Variants in ZNF644 observed in about 807,000 individuals in gnomAD.
ZNF644 encodes the protein zinc finger motif enhancer binding protein 2.
A neutral mutation model predicts 108.0 loss-of-function variants in ZNF644; 20 were observed. The ratio of observed to expected loss-of-function variants is 0.19; its 90% CI spans 0.13 to 0.27. The LOEUF (loss-of-function observed/expected upper bound fraction) is 0.27, where lower values mean the gene tolerates loss of function less well. ZNF644 is among the 10% of genes least tolerant of loss of function. The pLI is 1.00. For synonymous variants in ZNF644, 542 were observed against 539.1 expected (o/e 1.01, Z -0.08); for missense variants, 1,338 against 1,548.9 (o/e 0.86, Z 2.29).
intron 4 of ZNF644, among the ~76,000 whole-genome samples, chr1:90,930,419 T>C (rs1455605248): frequency 6.6e-6 from 1 of 152,230 alleles, no homozygotes; most frequent in Non-Finnish European, 1.5e-5. Flanking sequence ...GAGGTTAGCA[T>C]TTGATTTACA....
At chr1:90,958,232 TA>T (rs777224217) in intron 2 of ZNF644, among the ~76,000 whole-genome samples, 6,882 of 41,420 alleles carry the variant, frequency 0.17, 189 homozygotes, top group Non-Finnish European at 0.21. Context: ...GCAAAACTCC[TA>T]AAAAAAAAAA....
chr1:91,015,158 T>C (rs1412085321), intron 1 of ZNF644, among the ~76,000 whole-genome samples: 6 of 152,188 alleles, frequency 3.9e-5, no homozygotes, highest in Non-Finnish European at 7.4e-5. Flanking sequence ...CAAATGAACC[T>C]AAAATTATTT....
intron 2 of ZNF644, among the ~76,000 whole-genome samples, chr1:90,961,326 T>C (rs1161307349): frequency 6.6e-6 from 1 of 152,212 alleles, no homozygotes; most frequent in East Asian, 1.9e-4. Flanking sequence ...TTACTTAATT[T>C]ATTAACAGTT....
chr1:90,998,980 A>G (rs1261357445), intron 1 of ZNF644, among the ~76,000 whole-genome samples: 1 of 151,970 alleles, frequency 6.6e-6, no homozygotes, highest in Non-Finnish European at 1.5e-5. Flanking sequence ...AAATGAAATG[A>G]GAAGTTTAGA....
chr1:90,971,070 T>C (rs1447907959), intron 2 of ZNF644, among the ~76,000 whole-genome samples: 1 of 151,802 alleles, frequency 6.6e-6, no homozygotes, highest in Non-Finnish European at 1.5e-5. Context: ...AGTATGGCTT[T>C]ATTATGAAAA....
Position 90,918,090 on chromosome 1 carries a change from T to C in ZNF644, c.3753A>G (p.Leu1251=), listed in dbSNP as rs1352636554. The C allele has an allele frequency of 6.2e-7, 1 of 1,614,122 alleles. No individual in the cohort carries two copies. The highest frequency in any genetic ancestry group is 8.5e-7 in the Non-Finnish European group (1 of 1,180,000). ...RSGSKKKMLT[L]PHGADEVYIL... ...TGTAAACCTCGTCAGCACCATGAGG[T>C]AATGTTAGCATTTTCTTCTTGCTTC... is the stretch of plus-strand genomic sequence containing the variant. Residue 1251 remains leucine, a synonymous_variant, in exon 5 of 6, where the codon TTA becomes TTG. Coordinates refer to ENST00000337393, the MANE Select transcript of ZNF644 (RefSeq NM_201269.3).
At chr1:90,919,067 A>C (rs1388239286) in intron 4 of ZNF644, among the ~76,000 whole-genome samples, 1 of 152,110 alleles carries the variant, frequency 6.6e-6, no homozygotes, top group African/African-American at 2.4e-5. Flanking sequence ...ATTTATTCTA[A>C]AACAACCTGA....
At chr1:90,962,546 A>C (rs1654438110) in intron 2 of ZNF644, among the ~76,000 whole-genome samples, 1 of 152,124 alleles carries the variant, frequency 6.6e-6, no homozygotes, top group Non-Finnish European at 1.5e-5. Context: ...ATACAAAATA[A>C]TAATAGTAAG....
At chr1:90,925,199 C>G (rs1050098817) in intron 4 of ZNF644, among the ~76,000 whole-genome samples, 2 of 152,146 alleles carry the variant, frequency 1.3e-5, no homozygotes, top group Non-Finnish European at 2.9e-5. Flanking sequence ...TCTCATGCCC[C>G]CCACTGGGGG....
At chr1:90,970,002 G>A (rs1337133473) in intron 2 of ZNF644, among the ~76,000 whole-genome samples, 2 of 152,098 alleles carry the variant, frequency 1.3e-5, no homozygotes, top group African/African-American at 4.8e-5. Flanking sequence ...TCTATCTTCT[G>A]AAAACACAAA....
intron 4 of ZNF644, among the ~76,000 whole-genome samples, chr1:90,925,265 ATTATTT>A (rs897382485): frequency 4.6e-5 from 7 of 152,162 alleles, no homozygotes; most frequent in African/African-American, 1.7e-4. Context: ...TGCCTCACCC[ATTATTT>A]TTATGTTCCT....
At chr1:90,941,417 T>C (rs529607634) in intron 2 of ZNF644, 108 bp from the exon 3 acceptor site, 8 of 953,582 alleles carry the variant, frequency 8.4e-6, no homozygotes, top group East Asian at 2.7e-5. Context: ...TTCTACTCTT[T>C]ATATTGAGAT....
chr1:90,978,618 G>A (rs189070135), intron 2 of ZNF644, among the ~76,000 whole-genome samples: 3 of 152,158 alleles, frequency 2.0e-5, no homozygotes, highest in Admixed American at 2.0e-4. Context: ...TTGGATTCGG[G>A]GATTCTGCAG....
At chr1:90,983,267 T>C (rs1447629357) in intron 1 of ZNF644, among the ~76,000 whole-genome samples, 14 of 152,122 alleles carry the variant, frequency 9.2e-5, no homozygotes, top group Non-Finnish European at 1.9e-4. Context: ...GCATCGTATC[T>C]AGAAAAGATG....
At chr1:90,950,216 G>T (rs1311517355) in intron 2 of ZNF644, among the ~76,000 whole-genome samples, 1 of 141,684 alleles carries the variant, frequency 7.1e-6, no homozygotes, top group African/African-American at 2.6e-5. Context: ...AGGAAAGGTT[G>T]CAGTGAGCCG....
At chr1:90,987,426 T>C (rs60286547) in intron 1 of ZNF644, among the ~76,000 whole-genome samples, 1,932 of 151,752 alleles carry the variant, frequency 0.013, 39 homozygotes, top group African/African-American at 0.044. Context: ...AATTGAATAA[T>C]CTAGAACAAA....
At chr1:90,937,404 T>C (rs1308449894) in intron 4 of ZNF644, 81 bp downstream of exon 4, 2 of 1,589,648 alleles carry the variant, frequency 1.3e-6, no homozygotes, top group East Asian at 4.5e-5. Flanking sequence ...GAGAAAGTAT[T>C]TTCCACATAG....
intron 2 of ZNF644, among the ~76,000 whole-genome samples, chr1:90,966,178 A>G (rs990774497): frequency 6.6e-6 from 1 of 152,092 alleles, no homozygotes; most frequent in African/African-American, 2.4e-5. Flanking sequence ...TTTCTTTCAC[A>G]TTTGTGTCCA....
chr1:91,001,011 A>C (rs1658723057), intron 1 of ZNF644, among the ~76,000 whole-genome samples: 1 of 152,236 alleles, frequency 6.6e-6, no homozygotes, highest in Non-Finnish European at 1.5e-5. Flanking sequence ...TGAATAGACC[A>C]ATAACAGACT....
Sources: gnomAD v4.1 joint callset for allele counts (sites outside exome capture counted in the v4.1 genomes callset) on GRCh38, gnomAD v4.1.1 for gene constraint, MANE v1.5 for transcripts, NCBI Gene and HGNC (gene_info 2026-07-23, HGNC 2026-07-21) for gene names.